Variants in PKP2 observed in about 807,000 individuals in gnomAD.
PKP2 encodes the protein plakophilin-2.
PKP2 carries 73 observed loss-of-function variants against 83.4 expected under a neutral mutation model. The observed-to-expected ratio is 0.88, with a 90% CI of 0.72 to 1.06. PKP2 has a LOEUF of 1.06. Among genes scored for constraint, PKP2 ranks in the 50% least tolerant of loss-of-function variants. The pLI is 0.00. For synonymous variants in PKP2, 409 were observed against 430.4 expected (o/e 0.95, Z 0.62); for missense variants, 966 against 1,065.4 (o/e 0.91, Z 1.30).
At chr12:32,817,470 G>A (rs992356721) in intron 9 of PKP2, among the ~76,000 whole-genome samples, 1 of 152,118 alleles carries the variant, frequency 6.6e-6, no homozygotes, top group East Asian at 1.9e-4. Context: ...TCTTGTTTAT[G>A]TATTGTTACC....
chr12:32,864,398 A>C (rs1956829070), intron 4 of PKP2, among the ~76,000 whole-genome samples: 1 of 150,782 alleles, frequency 6.6e-6, no homozygotes, highest in Non-Finnish European at 1.5e-5. Context: ...AGCAATGAAC[A>C]ACCAAAAATA....
In PKP2 at chr12:32,824,643, G is replaced by C. The variant is rs1232417342; in HGVS notation, c.1557-481C>G. 2.0e-5 allele frequency among the ~76,000 whole-genome samples: 3 copies of C among 152,228 alleles called. No homozygotes were observed. The East Asian group carries it at 5.8e-4, about 29-fold the overall frequency. On this transcript the variant is annotated intron_variant, in intron 6 of 12. Coordinates refer to ENST00000340811, the MANE Select transcript of PKP2 (RefSeq NM_001005242.3). ...ATTCTTTGTGGTTTTCTAAATTTCA[G>C]TATAAACTGTTATTGACAAATATTA...
chr12:32,846,480 C>T (rs893875510), intron 5 of PKP2, among the ~76,000 whole-genome samples: 1 of 152,188 alleles, frequency 6.6e-6, no homozygotes, highest in Non-Finnish European at 1.5e-5. Flanking sequence ...CACAGTGGCT[C>T]ACGCCTGTAA....
At chr12:32,857,830 T>A (rs1463434315) in intron 4 of PKP2, among the ~76,000 whole-genome samples, 1 of 151,574 alleles carries the variant, frequency 6.6e-6, no homozygotes, top group Non-Finnish European at 1.5e-5. Context: ...AAATTAGTAA[T>A]TTAAGAGATA....
intron 3 of PKP2, among the ~76,000 whole-genome samples, chr12:32,875,384 T>C (rs1314250475): frequency 1.3e-5 from 2 of 152,138 alleles, no homozygotes; most frequent in Non-Finnish European, 2.9e-5. Context: ...GATAAATATC[T>C]TGCATTAAGG....
chr12:32,840,498 T>C (rs1956579774), intron 6 of PKP2, among the ~76,000 whole-genome samples: 1 of 152,022 alleles, frequency 6.6e-6, no homozygotes, highest in Non-Finnish European at 1.5e-5. Context: ...AGGGTCTTGC[T>C]ATGTTGCCTA....
intron 9 of PKP2, among the ~76,000 whole-genome samples, chr12:32,803,333 A>T (rs1179820713): frequency 6.6e-6 from 1 of 152,222 alleles, no homozygotes; most frequent in African/African-American, 2.4e-5. Flanking sequence ...AGATCATGCC[A>T]CTGCGCTCAG....
Position 32,823,979 on chromosome 12 carries a change from G to C in PKP2, c.1674+66C>G, listed in dbSNP as rs142742495. 2.7e-5 allele frequency: 26 copies of C among 954,066 alleles called. No homozygotes were observed. In the African/African-American group the frequency reaches 2.9e-4, roughly 11 times the overall value. 59.1% of individuals were successfully genotyped at this position (954,066 alleles called of 1,614,324 possible). On this transcript the variant is annotated intron_variant, in intron 7 of 12. Coordinates refer to ENST00000340811, the MANE Select transcript of PKP2 (RefSeq NM_001005242.3). ...TCAGTGAATAAACCTAAAACCAAGC[G>C]GCTATCTTAAGAATATTCTGAAGCA...
chr12:32,890,208 TG>T (rs1203526056), intron 1 of PKP2, among the ~76,000 whole-genome samples: 10 of 152,088 alleles, frequency 6.6e-5, no homozygotes, highest in Non-Finnish European at 1.5e-4. Context: ...AATATTTTGG[TG>T]GCCTATAAAT....
At position 32,878,061 on chromosome 12, in the gene PKP2, C is replaced by T. The variant is rs3748279; in HGVS notation, c.819G>A (p.Pro273=). The change falls in exon 3 of 13, where the codon CCG becomes CCA. Residue 273 remains proline (P), a synonymous_variant. Coordinates refer to ENST00000340811, the MANE Select transcript of PKP2 (RefSeq NM_001005242.3). ...GAGTGACGGGCTGCAGGGGCACCAG[C>T]GGCCTGACCTGCCCGACAGTGAGCC... is the stretch of plus-strand genomic sequence containing the variant. The part of the protein sequence containing the change: ...TAGLTVGQVR[P]LVPLQPVTQN... The T allele has an allele frequency of 2.7e-3, 4,431 of 1,613,946 alleles. 209 individuals are homozygous for T. The East Asian group carries it at 0.088, about 32-fold the overall frequency.
chr12:32,854,152 G>C (rs1439937606), intron 4 of PKP2, among the ~76,000 whole-genome samples: 2 of 152,140 alleles, frequency 1.3e-5, no homozygotes, highest in Non-Finnish European at 2.9e-5. Flanking sequence ...ATGGGAAATG[G>C]CTTACTGGCC....
Position 32,842,643 on chromosome 12 carries a change from C to T in PKP2, c.1379-1438G>A, listed in dbSNP as rs562773979. 1.5e-4 allele frequency among the ~76,000 whole-genome samples: 23 copies of T among 152,296 alleles called. No homozygotes were observed. The South Asian group carries it at 3.7e-3, about 25-fold the overall frequency. Reference sequence around the variant, plus strand: ...AAGGGATGACTCTTCCCTTTCTACCCTATCCTTCTCACTGCCCAGGCAACA... The same window carrying T: ...AAGGGATGACTCTTCCCTTTCTACCTTATCCTTCTCACTGCCCAGGCAACA... On this transcript the variant is annotated intron_variant, in intron 5 of 12. Coordinates refer to ENST00000340811, the MANE Select transcript of PKP2 (RefSeq NM_001005242.3).
intron 9 of PKP2, among the ~76,000 whole-genome samples, chr12:32,811,329 G>A (rs1039055512): frequency 6.6e-6 from 1 of 152,190 alleles, no homozygotes; most frequent in Non-Finnish European, 1.5e-5. Context: ...GCTGTAGTCA[G>A]TGTCTTTCTG....
chr12:32,822,163 A>C (rs748346429), intron 8 of PKP2, among the ~76,000 whole-genome samples: 60 of 152,248 alleles, frequency 3.9e-4, no homozygotes, highest in Non-Finnish European at 6.8e-4. Flanking sequence ...CTAACCTATA[A>C]GGCATAAAGC....
At chr12:32,839,374 CTTTTT>C (rs758561343) in intron 6 of PKP2, among the ~76,000 whole-genome samples, 1 of 130,220 alleles carries the variant, frequency 7.7e-6, no homozygotes. Context: ...AAGATGTGCA[CTTTTT>C]TTTTTTTTTT....
chr12:32,890,532 GTTTC>G (rs1239760363), intron 1 of PKP2, among the ~76,000 whole-genome samples: 1 of 152,132 alleles, frequency 6.6e-6, no homozygotes, highest in Non-Finnish European at 1.5e-5. Flanking sequence ...AAATGCTTAA[GTTTC>G]TTTTTTTCCA....
intron 5 of PKP2, among the ~76,000 whole-genome samples, chr12:32,844,248 T>C (rs1338507999): frequency 2.0e-5 from 3 of 152,200 alleles, no homozygotes; most frequent in African/African-American, 7.2e-5. Flanking sequence ...AGAACTAAGA[T>C]GTTCAATAGA....
intron 6 of PKP2, among the ~76,000 whole-genome samples, chr12:32,829,180 G>A (rs1038914130): frequency 1.3e-5 from 2 of 151,926 alleles, no homozygotes; most frequent in African/African-American, 4.8e-5. Flanking sequence ...CTCCAGCCTG[G>A]CCCCCAAAGT....
chr12:32,824,241 T>C, intron 6 of PKP2, 79 bp from the exon 7 acceptor site: 1 of 996,806 alleles, frequency 1.0e-6, no homozygotes, highest in Non-Finnish European at 1.6e-6. Context: ...TTTTACTTGA[T>C]GCTTCTTCCA....
Sources: gnomAD v4.1 joint callset for allele counts (sites outside exome capture counted in the v4.1 genomes callset) on GRCh38, gnomAD v4.1.1 for gene constraint, MANE v1.5 for transcripts, NCBI Gene and HGNC (gene_info 2026-07-23, HGNC 2026-07-21) for gene names.